PLXNA1: variants seen among roughly 807,000 people sequenced by gnomAD.
PLXNA1 encodes the protein plexin-A1.
In PLXNA1, 77 loss-of-function variants were observed where a neutral mutation model predicts 191.7. The observed-to-expected ratio is 0.40, with a 90% confidence interval of 0.33 to 0.49. PLXNA1 has a LOEUF of 0.49. Ranked by LOEUF, PLXNA1 falls within the 20% of genes least tolerant of loss-of-function variation. The pLI is 0.63. For missense variants in PLXNA1, 2,110 were observed against 2,660.2 expected, an observed-to-expected ratio of 0.79 and a Z score of 4.55; for synonymous variants, 1,137 against 1,156.4, an observed-to-expected ratio of 0.98 and a Z score of 0.34.
At chr3:127,017,075 C>T (rs1382335320) in intron 17 of PLXNA1, 38 bp downstream of exon 17, 5 of 1,538,030 alleles carry the variant, frequency 3.3e-6, no homozygotes, top group Admixed American at 3.4e-5. Flanking sequence ...TCGGTCCAGG[C>T]CTTCACCTGG....
At position 127,015,252 on chromosome 3, in the gene PLXNA1, G is replaced by A; in HGVS notation, c.2946G>A (p.Glu982=). ...CAGGGGGCACCTGGATTGGCATCGA[G>A]GGAAGCCACCTGAACGCAGGCAGTG... is the stretch of plus-strand genomic sequence containing the variant. The part of the protein sequence containing the change: ...PLSGGTWIGI[E]GSHLNAGSDV... The change falls in exon 15 of 32, where the codon GAG becomes GAA. Residue 982 remains glutamate (E), a synonymous_variant. Transcript: ENST00000393409. 6.2e-7 allele frequency: 1 copy of A among 1,613,458 alleles called. No homozygotes were observed. The highest frequency in any genetic ancestry group is 2.2e-5 in the East Asian group (1 of 44,868).
intron 3 of PLXNA1, among the ~76,000 whole-genome samples, chr3:126,993,758 G>C (rs903651657): frequency 2.6e-5 from 4 of 152,108 alleles, no homozygotes; most frequent in African/African-American, 9.7e-5. Flanking sequence ...TTGTTCGGAG[G>C]CCCCCCCAGG....
chr3:127,014,924 G>T, intron 14 of PLXNA1, 93 bp downstream of exon 14: 2 of 1,510,754 alleles, frequency 1.3e-6, no homozygotes, highest in Non-Finnish European at 1.8e-6. Context: ...CCCTTGTCTG[G>T]CCATGCTCTG....
In PLXNA1 at chr3:127,017,631, G is replaced by A; in HGVS notation, c.3483G>A (p.Leu1161=). The A allele has an allele frequency of 6.2e-7, 1 of 1,613,574 alleles. No individual in the cohort carries two copies. The highest frequency in any genetic ancestry group is 8.5e-7 in the Non-Finnish European group (1 of 1,180,016). ...AGCCACTCAGCCCCACTGGCCTGCT[G>A]GAGCTGAAGCCCAGCTCCCCACTCA... The part of the protein sequence containing the change: ...VLEPLSPTGL[L]ELKPSSPLIL... The change falls in exon 18 of 32, where the codon CTG becomes CTA. Residue 1161 remains leucine (L), a synonymous_variant. Transcript: ENST00000393409.
intron 29 of PLXNA1, chr3:127,032,092 G>A (rs2079214424): frequency 5.0e-6 from 2 of 403,700 alleles, no homozygotes; most frequent in Admixed American, 7.6e-5. Context: ...GTGGCTGTGT[G>A]GAGTGGGCCC....
intron 20 of PLXNA1, among the ~76,000 whole-genome samples, chr3:127,018,960 G>T (rs556314729): frequency 5.9e-5 from 9 of 152,312 alleles, no homozygotes; most frequent in African/African-American, 2.2e-4. Context: ...CAGCAATGGG[G>T]AGCCCTTGCG....
chr3:126,988,995 C>T lies in PLXNA1; in HGVS notation c.402C>T (p.Ser134=), dbSNP rs368056311. The T allele has an allele frequency of 1.9e-6, 3 of 1,613,138 alleles. No individual in the cohort carries two copies. Among genetic ancestry groups the T allele is most frequent in the Non-Finnish European group, 2.5e-6 (3 of 1,180,048 alleles). Residue 134 remains serine (S), a synonymous_variant, in exon 2 of 32, where the codon TCC becomes TCT. Transcript: ENST00000393409. ...ANRLLACGSA[S]QGICQFLRLD... ...GCCTGCTGGCCTGTGGCAGCGCCTC[C>T]CAGGGCATCTGCCAGTTCCTGCGTC...
chr3:127,022,905 G>T, intron 23 of PLXNA1, 87 bp downstream of exon 23: 1 of 1,177,468 alleles, frequency 8.5e-7, no homozygotes, highest in Non-Finnish European at 1.3e-6. Flanking sequence ...AGTGGGAGGT[G>T]CTGGAGAATG....
chr3:126,988,249 T>C (rs942077675), intron 1 of PLXNA1, among the ~76,000 whole-genome samples: 1 of 152,194 alleles, frequency 6.6e-6, no homozygotes, highest in Non-Finnish European at 1.5e-5. Context: ...TGCCTTCCTG[T>C]TCCTGGCCTC....
At chr3:127,019,460 G>A (rs531277185) in intron 20 of PLXNA1, among the ~76,000 whole-genome samples, 3 of 152,208 alleles carry the variant, frequency 2.0e-5, no homozygotes, top group Non-Finnish European at 2.9e-5. Flanking sequence ...TTGTGCTCCC[G>A]CCTGCTGAGG....
chr3:127,024,766 C>T lies in PLXNA1; in HGVS notation c.4362+1948C>T, dbSNP rs556074297. 1.0e-3 allele frequency among the ~76,000 whole-genome samples: 153 copies of T among 152,264 alleles called. 1 individual carries two copies. The highest frequency in any genetic ancestry group is 3.4e-3 in the Middle Eastern group (1 of 294). On this transcript the variant is annotated intron_variant, in intron 23 of 31. Coordinates refer to ENST00000393409, the MANE Select transcript of PLXNA1 (RefSeq NM_032242.4). Reference sequence around the variant, plus strand: ...AAGGACATGGCCTGAGGCTGAGAGGCGCAGACAGACATGCTGGAGCTGGGC... The same window carrying T: ...AAGGACATGGCCTGAGGCTGAGAGGTGCAGACAGACATGCTGGAGCTGGGC...
At chr3:127,018,249 G>A in intron 19 of PLXNA1, 45 bp from the exon 20 acceptor site, 1 of 1,503,500 alleles carries the variant, frequency 6.7e-7, no homozygotes, top group Non-Finnish European at 9.0e-7. Flanking sequence ...CCCAAGCTTT[G>A]TGGAAAGCAT....
intron 21 of PLXNA1, 103 bp from the exon 22 acceptor site, chr3:127,021,982 G>A: frequency 1.3e-6 from 2 of 1,490,882 alleles, no homozygotes; most frequent in South Asian, 1.3e-5. Flanking sequence ...GTCCTCTGAT[G>A]GGGCCCTGCC....
At chr3:126,984,825 A>C (rs934399095) in intron 1 of PLXNA1, among the ~76,000 whole-genome samples, 5 of 152,194 alleles carry the variant, frequency 3.3e-5, no homozygotes, top group Non-Finnish European at 5.9e-5. Context: ...CCCCGTGCAC[A>C]GAGCAGCTTA....
Position 127,030,566 on chromosome 3 carries a change from A to C in PLXNA1, c.5231+154A>C, listed in dbSNP as rs114535296. ...GGCATGGCGGGCCAGTCCTGTGCTA[A>C]CTGGCCTTCCCTATCTGCCTGTGCC... is the stretch of plus-strand genomic sequence containing the variant. On this transcript the variant is annotated intron_variant, in intron 29 of 31. Transcript: ENST00000393409. 6.3e-3 allele frequency among the ~76,000 whole-genome samples: 953 copies of C among 152,258 alleles called. 9 individuals carry two copies. The highest frequency in any genetic ancestry group is 0.022 in the African/African-American group (895 of 41,554).
intron 25 of PLXNA1, 149 bp from the exon 26 acceptor site, chr3:127,028,844 G>T: frequency 1.6e-6 from 1 of 626,070 alleles, no homozygotes. Context: ...ACTATGGCAG[G>T]TTAAGTGTGC....
At chr3:127,023,006 C>G (rs1245846181) in intron 23 of PLXNA1, among the ~76,000 whole-genome samples, 188 bp downstream of exon 23, 1 of 152,222 alleles carries the variant, frequency 6.6e-6, no homozygotes, top group Non-Finnish European at 1.5e-5. Context: ...GCTCCCTCCT[C>G]CCTCCTTCTG....
At position 127,029,103 on chromosome 3, in the gene PLXNA1, C is replaced by T. The variant is rs372746559; in HGVS notation, c.4773+7C>T. 156 of 1,610,904 alleles carry T rather than the reference C, an allele frequency of 9.7e-5. No individual in the cohort carries two copies. The East Asian group carries it at 1.9e-3, about 20-fold the overall frequency. On this transcript the variant is annotated splice_region_variant and intron_variant, in intron 26 of 31. Transcript: ENST00000393409. ...CACACTGGCTCACTACCAGGTGGCT[C>T]CCGGCCCTCCGACCCTAGCACAGGC...
intron 15 of PLXNA1, 66 bp from the exon 16 acceptor site, chr3:127,016,451 C>A: frequency 6.9e-7 from 1 of 1,441,950 alleles, no homozygotes; most frequent in Non-Finnish European, 9.7e-7. Context: ...TCCCTCAATG[C>A]ATCTGCATTC....
Sources: allele counts gnomAD v4.1 joint callset (sites outside exome capture counted in the v4.1 genomes callset), GRCh38; gene constraint gnomAD v4.1.1; transcripts MANE v1.5; gene names NCBI Gene and HGNC (gene_info 2026-07-23, HGNC 2026-07-21).